Variants in WASF3 observed in about 807,000 individuals in gnomAD.
WASF3 encodes actin-binding protein WASF3.
WASF3 carries 11 observed loss-of-function variants against 46.6 expected under a neutral mutation model. That is an observed-to-expected ratio of 0.24 (90% CI 0.15 to 0.39). The LOEUF (loss-of-function observed/expected upper bound fraction) is 0.39. Ranked by LOEUF, WASF3 falls within the 10% of genes least tolerant of loss-of-function variation. The probability of loss-of-function intolerance (pLI) is 1.00; values close to 1 mark genes in which losing one functional copy is unlikely to be tolerated. For missense variants in WASF3, 576 were observed against 669.8 expected (o/e 0.86, Z 1.55); for synonymous variants, 242 against 259.7 (o/e 0.93, Z 0.65).
intron 1 of WASF3, among the ~76,000 whole-genome samples, chr13:26,595,236 T>C (rs898703418): frequency 1.3e-5 from 2 of 152,254 alleles, no homozygotes; most frequent in Admixed American, 6.5e-5. Flanking sequence ...TGATATTGTT[T>C]CCATTCAGTC....
Position 26,580,877 on chromosome 13 carries a change from G to C in WASF3, c.-109+23058G>C, listed in dbSNP as rs191975085. On this transcript the variant is annotated intron_variant, in intron 1 of 9. Transcript: ENST00000335327. Reference sequence around the variant, plus strand: ...CGACCTCAGGTGATCTGCCCAGCTCGGCCTCCCAAAGTGTTGGGATTACAG... The same window carrying C: ...CGACCTCAGGTGATCTGCCCAGCTCCGCCTCCCAAAGTGTTGGGATTACAG... Among the ~76,000 whole-genome samples the C allele has an allele frequency of 5.8e-3, 876 of 151,456 alleles. 12 individuals carry two copies. Among genetic ancestry groups the C allele is most frequent in the African/African-American group, 0.02 (833 of 41,280 alleles).
chr13:26,622,118 T>C (rs1881324762), intron 2 of WASF3, among the ~76,000 whole-genome samples: 1 of 152,198 alleles, frequency 6.6e-6, no homozygotes, highest in African/African-American at 2.4e-5. Flanking sequence ...TAATATAGTC[T>C]GTGCCACATG....
intron 2 of WASF3, chr13:26,638,338 C>T (rs1290133711): frequency 6.6e-6 from 1 of 152,222 alleles, no homozygotes; most frequent in African/African-American, 2.4e-5. Context: ...ATCTAGTTCA[C>T]AGTTAGGTGA....
chr13:26,629,556 T>C (rs1881586914), intron 2 of WASF3, among the ~76,000 whole-genome samples: 5 of 152,190 alleles, frequency 3.3e-5, no homozygotes, highest in Admixed American at 2.6e-4. Context: ...TGTGCTGAGC[T>C]GATCCGTCTG....
chr13:26,594,130 G>T (rs1350874585), intron 1 of WASF3, among the ~76,000 whole-genome samples: 2 of 152,008 alleles, frequency 1.3e-5, no homozygotes, highest in Non-Finnish European at 2.9e-5. Context: ...AATTTTCAAA[G>T]GGCCTTTTTC....
chr13:26,656,575 C>G (rs1264582696), intron 3 of WASF3, among the ~76,000 whole-genome samples: 1 of 151,908 alleles, frequency 6.6e-6, no homozygotes, highest in East Asian at 1.9e-4. Flanking sequence ...CACCAAGAAA[C>G]ATGACTTCCT....
At chr13:26,591,693 C>T (rs938406723) in intron 1 of WASF3, among the ~76,000 whole-genome samples, 1 of 152,048 alleles carries the variant, frequency 6.6e-6, no homozygotes, top group African/African-American at 2.4e-5. Context: ...TATACAGTTT[C>T]AAAGTTCATG....
chr13:26,655,798 C>T (rs895033136), intron 3 of WASF3, among the ~76,000 whole-genome samples: 3 of 152,092 alleles, frequency 2.0e-5, no homozygotes, highest in Admixed American at 6.6e-5. Context: ...TTGATCCTTA[C>T]GTTTTTCCAC....
rs191322112 is a variant in WASF3, at chr13:26,573,997, A to G, written c.-109+16178A>G. ...TTTTTGCTGTATAATTTTCCATTGT[A>G]TAACTGTACCACTGTTCATTTGTCC... On this transcript the variant is annotated intron_variant, in intron 1 of 9. Coordinates refer to ENST00000335327, the MANE Select transcript of WASF3 (RefSeq NM_006646.6). 7.3e-3 allele frequency among the ~76,000 whole-genome samples: 1,117 copies of G among 152,350 alleles called. 5 individuals are homozygous for G. Among genetic ancestry groups the G allele is most frequent in the Non-Finnish European group, 0.012 (820 of 68,028 alleles).
At chr13:26,601,756 A>C (rs1025577718) in intron 1 of WASF3, among the ~76,000 whole-genome samples, 49 of 152,334 alleles carry the variant, frequency 3.2e-4, no homozygotes, top group African/African-American at 1.2e-3. Context: ...GTTCAGGGAT[A>C]TGTGATATAT....
Position 26,587,661 on chromosome 13 carries a change from T to C in WASF3, c.-108-25300T>C, listed in dbSNP as rs189148742. Among the ~76,000 whole-genome samples the C allele has an allele frequency of 7.0e-3, 1,063 of 152,328 alleles. 11 individuals carry two copies. Among genetic ancestry groups the C allele is most frequent in the African/African-American group, 0.025 (1,026 of 41,578 alleles). On this transcript the variant is annotated intron_variant, in intron 1 of 9. Transcript: ENST00000335327. ...TTTTGAGTGTTGCTAGATTGAGAGC[T>C]GCTGGACAGAATGATGGGTTCATGG...
In WASF3 at chr13:26,631,120, T is replaced by C. The variant is rs7333564; in HGVS notation, c.-10-11141T>C. Among the ~76,000 whole-genome samples, 987 of 152,302 alleles carry C rather than the reference T, an allele frequency of 6.5e-3. 11 individuals carry two copies. The highest frequency in any genetic ancestry group is 0.023 in the African/African-American group (945 of 41,570). On this transcript the variant is annotated intron_variant, in intron 2 of 9. Transcript: ENST00000335327. ...TCTGTAGGTTGCCTCTTCACTCTGA[T>C]GGTAGTTTCTTTTGCCATGCAGAAG... is the stretch of plus-strand genomic sequence containing the variant.
At position 26,682,626 on chromosome 13, in the gene WASF3, A is replaced by T. The variant is rs2137516572; in HGVS notation, c.1003A>T (p.Ile335Phe). The T allele has an allele frequency of 6.2e-7, 1 of 1,614,166 alleles. No homozygotes were observed. Among genetic ancestry groups the T allele is most frequent in the East Asian group, 2.2e-5 (1 of 44,870 alleles). ...TCTCAGGATGCTCCCAGCGCAGATA[A>T]TTGAGTATTACAACCCATCCGGACC... ...ADYGMLPAQIIEYYNPSGPPP... is the reference protein window; with the variant it reads ...ADYGMLPAQIFEYYNPSGPPP... Residue 335 changes from isoleucine (I) to phenylalanine (F), a missense_variant, in exon 9 of 10, where the codon ATT becomes TTT. By Grantham distance (21) the Ile-to-Phe change is conservative. Coordinates refer to ENST00000335327, the MANE Select transcript of WASF3 (RefSeq NM_006646.6). The surrounding 1 kb of genome is among the most constrained non-coding windows in gnomAD (Gnocchi z 4.4).
intron 6 of WASF3, among the ~76,000 whole-genome samples, chr13:26,673,286 C>T (rs901353125): frequency 8.5e-5 from 13 of 152,112 alleles, no homozygotes; most frequent in Non-Finnish European, 1.8e-4. Flanking sequence ...AATATTATGT[C>T]TTTAAAATCA....
intron 1 of WASF3, among the ~76,000 whole-genome samples, chr13:26,574,809 A>C (rs1346903820): frequency 2.0e-5 from 3 of 150,362 alleles, no homozygotes; most frequent in Non-Finnish European, 4.4e-5. Context: ...AGTACCATTG[A>C]ATTCGTACTT....
At chr13:26,570,088 C>T (rs1469576316) in intron 1 of WASF3, among the ~76,000 whole-genome samples, 1 of 152,128 alleles carries the variant, frequency 6.6e-6, no homozygotes, top group Non-Finnish European at 1.5e-5. Flanking sequence ...GAGTTTGAGA[C>T]CAGCCTGGCC....
chr13:26,587,692 G>A (rs1880172276), intron 1 of WASF3, among the ~76,000 whole-genome samples: 1 of 152,168 alleles, frequency 6.6e-6, no homozygotes, highest in Non-Finnish European at 1.5e-5. Flanking sequence ...CATGGGAGAA[G>A]ACAATCAAGG....
At chr13:26,569,593 G>T (rs940611272) in intron 1 of WASF3, among the ~76,000 whole-genome samples, 1 of 152,136 alleles carries the variant, frequency 6.6e-6, no homozygotes. Flanking sequence ...AGCCTTACAT[G>T]CATGTGTTAG....
At chr13:26,661,970 A>T (rs1882645149) in intron 3 of WASF3, among the ~76,000 whole-genome samples, 2 of 152,132 alleles carry the variant, frequency 1.3e-5, no homozygotes, top group Admixed American at 6.5e-5. Flanking sequence ...TACTACTGTG[A>T]GGAAGGGGGT....
Sources: gnomAD v4.1 joint callset for allele counts (sites outside exome capture counted in the v4.1 genomes callset) on GRCh38, gnomAD v4.1.1 for gene constraint, Gnocchi (gnomAD v3.1) non-coding constraint, MANE v1.5 for transcripts, NCBI Gene and HGNC (gene_info 2026-07-23, HGNC 2026-07-21) for gene names.